The following PTGR2 variants were observed in gnomAD, a reference collection of about 807,000 sequenced individuals.
The protein encoded by PTGR2 is 15-oxoprostaglandin 13-reductase.
Under a neutral mutation model 43.4 loss-of-function variants are expected in PTGR2, and 32 were observed. The observed-to-expected ratio is 0.74, with a 90% CI of 0.56 to 0.99. The LOEUF (loss-of-function observed/expected upper bound fraction) is 0.99. PTGR2 is among the 50% of genes least tolerant of loss of function. The pLI is 0.00. For synonymous variants in PTGR2, 106 were observed against 139.2 expected (o/e 0.76, Z 1.68); for missense variants, 373 against 420.0 (o/e 0.89, Z 0.98).
intron 5 of PTGR2, chr14:73,878,605 C>T (rs1052264419): frequency 9.1e-6 from 4 of 439,756 alleles, no homozygotes; most frequent in African/African-American, 6.2e-5. Context: ...CCTGGTCAGC[C>T]ACCGTATGTG....
chr14:73,873,174 G>A lies in PTGR2; in HGVS notation c.157-849G>A, dbSNP rs2054777530. ...AATACAAAAGTAGCCAGGCATGTTG[G>A]CACATGCCTCTAATCCCAGCTACTC... is the stretch of plus-strand genomic sequence containing the variant. On this transcript the variant is annotated intron_variant, in intron 3 of 9. Coordinates refer to ENST00000555661, the MANE Select transcript of PTGR2 (RefSeq NM_001146154.2). Among the ~76,000 whole-genome samples the A allele has an allele frequency of 2.0e-5, 3 of 151,612 alleles. No homozygotes were observed. In the East Asian group the frequency reaches 5.9e-4, roughly 30 times the overall value.
intron 9 of PTGR2, 129 bp from the exon 10 acceptor site, chr14:73,883,972 T>C: frequency 1.6e-6 from 1 of 641,112 alleles, no homozygotes; most frequent in Non-Finnish European, 2.7e-6. Flanking sequence ...TCATGACCAT[T>C]TTCTTCTATG....
At chr14:73,869,591 T>G (rs2054678403) in intron 3 of PTGR2, among the ~76,000 whole-genome samples, 1 of 149,700 alleles carries the variant, frequency 6.7e-6, no homozygotes, top group Admixed American at 6.7e-5. Context: ...AAAAAAAAAG[T>G]TTATGAAAAC....
chr14:73,858,776 T>C, intron 1 of PTGR2, 40 bp from the exon 2 acceptor site: 1 of 951,392 alleles, frequency 1.1e-6, no homozygotes, highest in South Asian at 1.8e-5. Context: ...AATTGTTGAA[T>C]ACTTCAAATC....
rs2055099937 is a variant in PTGR2 at position 73,885,199 on chromosome 14, G to A, written c.*1022G>A. 1 of 152,278 alleles carries A rather than the reference G, an allele frequency of 6.6e-6. No individual in the cohort carries two copies. The highest frequency in any genetic ancestry group is 2.1e-4 in the South Asian group (1 of 4,828). The allele number at this position is 152,278 out of a possible 1,614,324, so 9.4% of individuals were successfully genotyped here. A position where few individuals can be genotyped will look rare whatever the true frequency, so the allele number is the denominator to read the frequency against. ...AGCTACTCAGGAGGCTGAGGCTGGA[G>A]AATCATTTGAACCTGGGAGGGGGAG... On this transcript the variant is annotated 3_prime_UTR_variant, in exon 10 of 10. Transcript: ENST00000555661.
rs145647219 is a variant in PTGR2 at position 73,859,331 on chromosome 14, G to A, written c.37+432G>A. 3.6e-4 allele frequency among the ~76,000 whole-genome samples: 54 copies of A among 152,094 alleles called. No homozygotes were observed. In the East Asian group the frequency reaches 0.01, roughly 29 times the overall value. Reference sequence around the variant, plus strand: ...ATATGGAAAGAACCTGAGAGATTTGGGTCACTGCTGCCCACTTGAGGAAGT... The same window carrying A: ...ATATGGAAAGAACCTGAGAGATTTGAGTCACTGCTGCCCACTTGAGGAAGT... On this transcript the variant is annotated intron_variant, in intron 2 of 9. Coordinates refer to ENST00000555661, the MANE Select transcript of PTGR2 (RefSeq NM_001146154.2).
At chr14:73,882,534 T>C (rs1230022124) in intron 9 of PTGR2, 96 bp downstream of exon 9, 3 of 863,114 alleles carry the variant, frequency 3.5e-6, no homozygotes, top group Middle Eastern at 6.6e-4. Context: ...GGAGTCTTGC[T>C]CTGTTGCCCA....
intron 6 of PTGR2, chr14:73,879,526 C>T: frequency 2.1e-6 from 1 of 481,330 alleles, no homozygotes; most frequent in Non-Finnish European, 3.7e-6. Flanking sequence ...TATTTGCTAC[C>T]AATATTATAT....
chr14:73,872,329 C>A (rs1379347467), intron 3 of PTGR2, among the ~76,000 whole-genome samples: 1 of 152,114 alleles, frequency 6.6e-6, no homozygotes, highest in Non-Finnish European at 1.5e-5. Flanking sequence ...TGGGTTATTT[C>A]CACTGGGGAG....
chr14:73,859,262 A>T (rs537527313), intron 2 of PTGR2, among the ~76,000 whole-genome samples: 1 of 152,250 alleles, frequency 6.6e-6, no homozygotes, highest in South Asian at 2.1e-4. Context: ...TGTGAAATGT[A>T]CTAACATATC....
rs2054981833 is a variant in PTGR2 at position 73,881,286 on chromosome 14, G to A, written c.933G>A (p.Lys311=). 1 of 1,580,048 alleles carries A rather than the reference G, an allele frequency of 6.3e-7. No homozygotes were observed. The highest frequency in any genetic ancestry group is 8.7e-7 in the Non-Finnish European group (1 of 1,149,676). Residue 311 remains lysine, a synonymous_variant, in exon 8 of 10, where the codon AAG becomes AAA. Coordinates refer to ENST00000555661, the MANE Select transcript of PTGR2 (RefSeq NM_001146154.2). ...LQLSQWFKEG[K]LKIKETVING... is the part of the protein sequence containing the mutation. ...TGAGTCAGTGGTTTAAAGAAGGAAA[G>A]CTAAAGGTAGAACTTCTATTCTTTA...
chr14:73,873,930 A>G (rs2054794493), intron 3 of PTGR2, 93 bp from the exon 4 acceptor site: 1 of 912,318 alleles, frequency 1.1e-6, no homozygotes, highest in Non-Finnish European at 1.7e-6. Flanking sequence ...TGTGTGCAAT[A>G]TATTACTCAT....
At chr14:73,853,336 T>G (rs2054273867) in intron 1 of PTGR2, among the ~76,000 whole-genome samples, 1 of 118,144 alleles carries the variant, frequency 8.5e-6, no homozygotes, top group Admixed American at 8.5e-5. Flanking sequence ...TTTTCTTTTT[T>G]TTTGAGATGG....
intron 3 of PTGR2, among the ~76,000 whole-genome samples, chr14:73,869,957 C>T (rs928003941): frequency 1.3e-5 from 2 of 151,368 alleles, no homozygotes; most frequent in South Asian, 2.1e-4. Context: ...GCCGGGGAGG[C>T]GGAGGTTGCA....
intron 2 of PTGR2, among the ~76,000 whole-genome samples, chr14:73,859,672 A>G (rs1341233997): frequency 6.6e-6 from 1 of 151,194 alleles, no homozygotes; most frequent in Non-Finnish European, 1.5e-5. Context: ...CCACTTTTTC[A>G]GACTTTATTA....
chr14:73,875,377 G>C (rs2054835252), intron 4 of PTGR2, among the ~76,000 whole-genome samples: 1 of 150,258 alleles, frequency 6.7e-6, no homozygotes, highest in Non-Finnish European at 1.5e-5. Flanking sequence ...ACAGAGTCTT[G>C]CTCTGTTGCC....
intron 9 of PTGR2, among the ~76,000 whole-genome samples, 191 bp from the exon 10 acceptor site, chr14:73,883,910 T>A (rs1208899485): frequency 2.0e-5 from 3 of 152,234 alleles, no homozygotes; most frequent in Admixed American, 6.5e-5. Flanking sequence ...AACATTTTTT[T>A]AAGATGTTAA....
intron 8 of PTGR2, among the ~76,000 whole-genome samples, chr14:73,881,566 TTA>T (rs2140277120): frequency 4.8e-5 from 1 of 20,826 alleles, no homozygotes; most frequent in African/African-American, 1.2e-4. Context: ...AAATGTAAAA[TTA>T]TGTTTATTAA....
intron 4 of PTGR2, 70 bp from the exon 5 acceptor site, chr14:73,876,928 C>T (rs548897424): frequency 3.3e-5 from 39 of 1,174,730 alleles, no homozygotes; most frequent in Admixed American, 1.8e-4. Flanking sequence ...GTCCATAACA[C>T]GTTGTCTCTA....
Sources: allele counts gnomAD v4.1 joint callset (sites outside exome capture counted in the v4.1 genomes callset), GRCh38; gene constraint gnomAD v4.1.1; transcripts MANE v1.5; gene names NCBI Gene and HGNC (gene_info 2026-07-23, HGNC 2026-07-21).